BICRAL: variants seen among roughly 807,000 people sequenced by gnomAD.
BICRAL encodes BICRA like chromatin remodeling complex associated protein.
Under a neutral mutation model 91.8 loss-of-function variants are expected in BICRAL, and 8 were observed. That is an observed-to-expected ratio of 0.09 (90% confidence interval 0.05 to 0.16). The LOEUF (loss-of-function observed/expected upper bound fraction) is 0.16. Among genes scored for constraint, BICRAL ranks in the 10% least tolerant of loss-of-function variants. The pLI is 1.00. For synonymous variants in BICRAL, 445 were observed against 491.1 expected (o/e 0.91, Z 1.24); for missense variants, 1,038 against 1,310.9 (o/e 0.79, Z 3.21).
At position 42,843,013 on chromosome 6, in the gene BICRAL, C is replaced by T. The variant is rs141044079; in HGVS notation, c.1840-9079C>T. ...GGACTACAGGCGCCCACCATCACAC[C>T]CATTTAATTTTTTGTATTTTTTTAG... On this transcript the variant is annotated intron_variant, in intron 6 of 12. Transcript: ENST00000314073. 4.4e-3 allele frequency among the ~76,000 whole-genome samples: 665 copies of T among 152,136 alleles called. 3 individuals are homozygous for T. The highest frequency in any genetic ancestry group is 0.015 in the African/African-American group (637 of 41,500).
intron 1 of BICRAL, among the ~76,000 whole-genome samples, chr6:42,751,900 G>A (rs538104341): frequency 3.9e-5 from 6 of 152,008 alleles, no homozygotes; most frequent in African/African-American, 7.2e-5. Context: ...CAGATGATCC[G>A]CCCGCCTCAG....
chr6:42,836,240 A>G lies in BICRAL; in HGVS notation c.1839+6068A>G, dbSNP rs951196056. On this transcript the variant is annotated intron_variant, in intron 6 of 12. Coordinates refer to ENST00000314073, the MANE Select transcript of BICRAL (RefSeq NM_001393499.1). ...ATTATAATTAATTAAGCAATCATCC[A>G]TAGCATGGTCATTTCCTTTTCTTCT... Among the ~76,000 whole-genome samples the G allele has an allele frequency of 3.3e-5, 5 of 152,320 alleles. No individual in the cohort carries two copies. The South Asian group carries it at 1.0e-3, about 32-fold the overall frequency.
Position 42,830,626 on chromosome 6 carries a change from G to A in BICRAL, c.1839+454G>A, listed in dbSNP as rs1764447008. On this transcript the variant is annotated intron_variant, in intron 6 of 12. Transcript: ENST00000314073. ...TTTTCTTGATTTTCTTTTTTGCCAG[G>A]GGGCAGGGGTAGGGGGTCTCACTTT... 2.6e-5 allele frequency among the ~76,000 whole-genome samples: 4 copies of A among 151,728 alleles called. No homozygotes were observed. In the South Asian group the frequency reaches 8.3e-4, roughly 31 times the overall value.
intron 1 of BICRAL, among the ~76,000 whole-genome samples, chr6:42,792,186 C>T (rs763656536): frequency 3.3e-5 from 5 of 152,152 alleles, no homozygotes; most frequent in Non-Finnish European, 5.9e-5. Flanking sequence ...TTAATAAACA[C>T]CATACACTTA....
At chr6:42,853,986 A>G (rs998318555) in intron 8 of BICRAL, among the ~76,000 whole-genome samples, 1 of 152,140 alleles carries the variant, frequency 6.6e-6, no homozygotes, top group African/African-American at 2.4e-5. Flanking sequence ...TCATTTCCTC[A>G]TGAATTAGTA....
intron 2 of BICRAL, among the ~76,000 whole-genome samples, chr6:42,814,499 G>GTATATATATATA (rs1554278814): frequency 2.9e-4 from 18 of 61,264 alleles, no homozygotes; most frequent in African/African-American, 1.4e-3. Flanking sequence ...GTGTGTGTGT[G>GTATATATATATA]TATATATATA....
rs149361965 is a variant in BICRAL, at chr6:42,835,409, A to G, written c.1839+5237A>G. Among the ~76,000 whole-genome samples, 1,059 of 152,224 alleles carry G rather than the reference A, an allele frequency of 7.0e-3. 5 individuals are homozygous for G. The highest frequency in any genetic ancestry group is 0.022 in the African/African-American group (932 of 41,554). On this transcript the variant is annotated intron_variant, in intron 6 of 12. Transcript: ENST00000314073. ...CTCCCAAAGTGCTGGGATTTCAGGCATGAGCCACCATGCCTGGCCTGTAAC... is the reference window on the plus strand; with the variant it reads ...CTCCCAAAGTGCTGGGATTTCAGGCGTGAGCCACCATGCCTGGCCTGTAAC...
intron 1 of BICRAL, among the ~76,000 whole-genome samples, chr6:42,757,864 T>TC (rs1762485645): frequency 6.6e-6 from 1 of 152,194 alleles, no homozygotes; most frequent in African/African-American, 2.4e-5. Context: ...GTCGTAGAGT[T>TC]AAGATTTGTA....
At chr6:42,804,093 G>C (rs1349926241) in intron 1 of BICRAL, among the ~76,000 whole-genome samples, 1 of 152,200 alleles carries the variant, frequency 6.6e-6, no homozygotes, top group Non-Finnish European at 1.5e-5. Flanking sequence ...CATGATCTCT[G>C]CTCACTGCAA....
chr6:42,798,854 A>G (rs1015735912), intron 1 of BICRAL, among the ~76,000 whole-genome samples: 5 of 152,222 alleles, frequency 3.3e-5, no homozygotes, highest in African/African-American at 1.2e-4. Context: ...GTAGCCAGTC[A>G]TTTCTAGAAT....
At chr6:42,831,441 T>A (rs1009757818) in intron 6 of BICRAL, among the ~76,000 whole-genome samples, 3 of 152,220 alleles carry the variant, frequency 2.0e-5, no homozygotes, top group Non-Finnish European at 4.4e-5. Context: ...TATACTGTTA[T>A]GCAGATTAAT....
chr6:42,748,047 G>A (rs867917834), intron 1 of BICRAL, among the ~76,000 whole-genome samples: 1 of 150,142 alleles, frequency 6.7e-6, no homozygotes, highest in African/African-American at 2.5e-5. Context: ...CAGGTGATGC[G>A]CCCGCCTCGG....
intron 6 of BICRAL, among the ~76,000 whole-genome samples, chr6:42,832,935 G>C (rs188387639): frequency 6.6e-6 from 1 of 152,232 alleles, no homozygotes; most frequent in Admixed American, 6.5e-5. Flanking sequence ...CTCAGATTTA[G>C]TCAGTTCTCC....
At position 42,864,671 on chromosome 6, in the gene BICRAL, C is replaced by A; in HGVS notation, c.2465C>A (p.Ala822Asp). ...LALVDPEGFQ[A>D]DFCCSFKLDK... Reference sequence around the variant, plus strand: ...TTCCCATTTCCAGAGGGTTTTCAGGCTGATTTCTGTTGTTCCTTCAAACTT... The same window carrying A: ...TTCCCATTTCCAGAGGGTTTTCAGGATGATTTCTGTTGTTCCTTCAAACTT... The change falls in exon 13 of 13, where the codon GCT (alanine) becomes GAT (aspartate). Residue 822 changes from alanine to aspartate, a missense_variant. Transcript: ENST00000314073. The A allele has an allele frequency of 1.9e-6, 3 of 1,613,192 alleles. No individual in the cohort carries two copies. In the South Asian group the frequency reaches 3.3e-5, roughly 18 times the overall value.
chr6:42,861,491 A>G lies in BICRAL; in HGVS notation c.2350-1019A>G, dbSNP rs146903895. On this transcript the variant is annotated intron_variant, in intron 11 of 12. Coordinates refer to ENST00000314073, the MANE Select transcript of BICRAL (RefSeq NM_001393499.1). ...TGAGAATAAGATACCTCAGAAAATG[A>G]TAGAAAGACCGAACCTGAGATTTGA... 6.6e-5 allele frequency among the ~76,000 whole-genome samples: 10 copies of G among 152,338 alleles called. No homozygotes were observed. The East Asian group carries it at 1.9e-3, about 29-fold the overall frequency.
intron 1 of BICRAL, among the ~76,000 whole-genome samples, chr6:42,762,103 C>A (rs1762560141): frequency 6.6e-6 from 1 of 152,114 alleles, no homozygotes; most frequent in Non-Finnish European, 1.5e-5. Context: ...TCCTTAAGGT[C>A]AGTGGTGGAG....
chr6:42,805,450 A>G lies in BICRAL; in HGVS notation c.-101-4856A>G, dbSNP rs189577148. On this transcript the variant is annotated intron_variant, in intron 1 of 12. Coordinates refer to ENST00000314073, the MANE Select transcript of BICRAL (RefSeq NM_001393499.1). ...ACCTGGTCTCCAAAGTAAGAAAAAT[A>G]TGCTTTCTTGGAAAACTGAGGTTTT... 8.3e-4 allele frequency among the ~76,000 whole-genome samples: 126 copies of G among 152,328 alleles called. 1 individual carries two copies. The highest frequency in any genetic ancestry group is 2.7e-3 in the African/African-American group (111 of 41,578).
intron 1 of BICRAL, among the ~76,000 whole-genome samples, chr6:42,792,430 G>A (rs1763300744): frequency 7.8e-6 from 1 of 128,050 alleles, no homozygotes; most frequent in African/African-American, 3.5e-5. Context: ...ACCATGCCCA[G>A]CTAATTTTTT....
intron 1 of BICRAL, among the ~76,000 whole-genome samples, chr6:42,765,869 T>C (rs1762627196): frequency 6.6e-6 from 1 of 152,220 alleles, no homozygotes; most frequent in South Asian, 2.1e-4. Context: ...ATATAGCCTG[T>C]GGAAGATAGA....
Sources: gnomAD v4.1 joint callset for allele counts (sites outside exome capture counted in the v4.1 genomes callset) on GRCh38, gnomAD v4.1.1 for gene constraint, MANE v1.5 for transcripts, NCBI Gene and HGNC (gene_info 2026-07-23, HGNC 2026-07-21) for gene names.